Variants in ULK4 observed in about 807,000 individuals in gnomAD.
The protein encoded by ULK4 is unc-51 like kinase 4, also known as inactive serine/threonine-protein kinase ULK4.
ULK4 carries 133 observed loss-of-function variants against 160.6 expected under a neutral mutation model. The ratio of observed to expected loss-of-function variants is 0.83; its 90% CI spans 0.72 to 0.96. The LOEUF (loss-of-function observed/expected upper bound fraction) is 0.96. Ranked by LOEUF, ULK4 falls within the 40% of genes least tolerant of loss-of-function variation. The pLI is 0.00. For synonymous variants in ULK4, 534 were observed against 539.8 expected, an observed-to-expected ratio of 0.99 and a Z score of 0.15; for missense variants, 1,580 against 1,499.5, an observed-to-expected ratio of 1.05 and a Z score of -0.89.
At chr3:41,694,381 G>GTA (rs2036416866) in intron 27 of ULK4, among the ~76,000 whole-genome samples, 1 of 152,154 alleles carries the variant, frequency 6.6e-6, no homozygotes, top group Non-Finnish European at 1.5e-5. Flanking sequence ...ATGGAGGGAG[G>GTA]TATAGAAAGC....
intron 11 of ULK4, among the ~76,000 whole-genome samples, chr3:41,910,577 C>A (rs1365906993): frequency 6.6e-6 from 1 of 150,886 alleles, no homozygotes; most frequent in African/African-American, 2.4e-5. Context: ...GCCTGGACAA[C>A]AGAACAAGAC....
chr3:41,609,450 T>C (rs1218073588), intron 31 of ULK4, among the ~76,000 whole-genome samples: 1 of 152,112 alleles, frequency 6.6e-6, no homozygotes, highest in Non-Finnish European at 1.5e-5. Context: ...TACAAATCCA[T>C]TTTCATTCCC....
intron 35 of ULK4, among the ~76,000 whole-genome samples, chr3:41,281,948 C>A (rs2079363252): frequency 6.6e-6 from 1 of 152,176 alleles, no homozygotes; most frequent in African/African-American, 2.4e-5. Context: ...GCAACTTCAG[C>A]AAAGTCTCAG....
chr3:41,785,052 A>C (rs564898551), intron 21 of ULK4, among the ~76,000 whole-genome samples: 7 of 152,330 alleles, frequency 4.6e-5, no homozygotes, highest in Admixed American at 1.3e-4. Flanking sequence ...CTTTCCAAAG[A>C]ACAATCAAGC....
chr3:41,819,383 C>T (rs1219069956), intron 19 of ULK4, 40 bp downstream of exon 19: 2 of 1,587,308 alleles, frequency 1.3e-6, no homozygotes, highest in Non-Finnish European at 1.7e-6. Context: ...AGGGTTATTA[C>T]AATTGCCAGC....
At chr3:41,344,357 C>T (rs1166931515) in intron 35 of ULK4, among the ~76,000 whole-genome samples, 3 of 152,110 alleles carry the variant, frequency 2.0e-5, no homozygotes, top group Non-Finnish European at 4.4e-5. Flanking sequence ...AAATATAAAA[C>T]CCAAAACTAC....
chr3:41,874,307 C>T (rs1180275924), intron 17 of ULK4, among the ~76,000 whole-genome samples: 1 of 152,150 alleles, frequency 6.6e-6, no homozygotes, highest in Admixed American at 6.6e-5. Flanking sequence ...ATTCATCATA[C>T]ACTACGTTTA....
At chr3:41,499,868 C>T (rs2085130425) in intron 32 of ULK4, among the ~76,000 whole-genome samples, 1 of 152,090 alleles carries the variant, frequency 6.6e-6, no homozygotes, top group African/African-American at 2.4e-5. Flanking sequence ...ATTATATTCA[C>T]CTTGGTTATA....
intron 32 of ULK4, among the ~76,000 whole-genome samples, chr3:41,502,916 T>C (rs2085258937): frequency 6.6e-6 from 1 of 152,196 alleles, no homozygotes. Context: ...GTGCATTTTA[T>C]TAAATTATCT....
At chr3:41,491,562 A>G (rs893858515) in intron 32 of ULK4, among the ~76,000 whole-genome samples, 4 of 152,182 alleles carry the variant, frequency 2.6e-5, no homozygotes, top group Non-Finnish European at 5.9e-5. Context: ...ATATTCAGTT[A>G]ACAGCATCAT....
intron 31 of ULK4, among the ~76,000 whole-genome samples, chr3:41,606,508 T>C (rs988297537): frequency 3.3e-5 from 5 of 152,032 alleles, no homozygotes; most frequent in African/African-American, 1.2e-4. Flanking sequence ...TCCTGGATCA[T>C]ATAGTAGTTC....
intron 35 of ULK4, among the ~76,000 whole-genome samples, chr3:41,390,300 G>T (rs1017064679): frequency 2.0e-5 from 3 of 151,212 alleles, no homozygotes; most frequent in African/African-American, 7.3e-5. Context: ...CAATTTTGTT[G>T]ATCTTTTCAA....
At chr3:41,586,308 C>A (rs2030797196) in intron 31 of ULK4, among the ~76,000 whole-genome samples, 1 of 152,068 alleles carries the variant, frequency 6.6e-6, no homozygotes, top group African/African-American at 2.4e-5. Context: ...GAATAATATT[C>A]TCTTTAAAAA....
intron 32 of ULK4, among the ~76,000 whole-genome samples, chr3:41,515,265 A>G (rs2125926914): frequency 6.6e-6 from 1 of 152,294 alleles, no homozygotes; most frequent in East Asian, 1.9e-4. Context: ...TCAAAAAAAA[A>G]GAAGAAAAAG....
chr3:41,948,867 G>C (rs1177238408), intron 2 of ULK4, among the ~76,000 whole-genome samples: 1 of 151,972 alleles, frequency 6.6e-6, no homozygotes, highest in African/African-American at 2.4e-5. Flanking sequence ...AAGTAGGCAA[G>C]AATGTCTGCT....
intron 17 of ULK4, among the ~76,000 whole-genome samples, chr3:41,883,383 A>AC (rs1697591881): frequency 6.6e-6 from 1 of 152,114 alleles, no homozygotes. Context: ...GGTTCTTTTC[A>AC]CCTATGCTGA....
intron 35 of ULK4, among the ~76,000 whole-genome samples, chr3:41,340,682 G>A (rs1007452058): frequency 6.6e-6 from 1 of 152,224 alleles, no homozygotes; most frequent in Non-Finnish European, 1.5e-5. Context: ...TAATGGACAG[G>A]ACAGATATGA....
At chr3:41,386,877 T>C (rs2081825428) in intron 35 of ULK4, among the ~76,000 whole-genome samples, 2 of 152,164 alleles carry the variant, frequency 1.3e-5, no homozygotes, top group South Asian at 2.1e-4. Context: ...ATCTTGTCGA[T>C]ACCTATGGTA....
intron 30 of ULK4, among the ~76,000 whole-genome samples, chr3:41,643,346 T>A (rs940402306): frequency 6.6e-6 from 1 of 152,230 alleles, no homozygotes; most frequent in African/African-American, 2.4e-5. Context: ...AAGTCTTTAA[T>A]CCATCTTGAA....
Sources: gnomAD v4.1 joint callset for allele counts (sites outside exome capture counted in the v4.1 genomes callset) on GRCh38, gnomAD v4.1.1 for gene constraint, MANE v1.5 for transcripts, NCBI Gene and HGNC (gene_info 2026-07-23, HGNC 2026-07-21) for gene names.